RCBTB1: variants seen among roughly 807,000 people sequenced by gnomAD.
RCBTB1 encodes the protein RCC1 and BTB domain-containing protein 1.
A neutral mutation model predicts 62.4 loss-of-function variants in RCBTB1; 46 were observed. The observed-to-expected ratio is 0.74, with a 90% CI of 0.58 to 0.94. RCBTB1 has a LOEUF of 0.94. Among genes scored for constraint, RCBTB1 ranks in the 40% least tolerant of loss-of-function variants. The pLI, the probability that RCBTB1 is intolerant of heterozygous loss-of-function variation, is 0.00. For synonymous variants in RCBTB1, 222 were observed against 245.8 expected, an observed-to-expected ratio of 0.90 and a Z score of 0.91; for missense variants, 565 against 654.9, an observed-to-expected ratio of 0.86 and a Z score of 1.50.
chr13:49,567,715 G>T (rs1963120796), intron 2 of RCBTB1, among the ~76,000 whole-genome samples: 1 of 152,128 alleles, frequency 6.6e-6, no homozygotes, highest in Non-Finnish European at 1.5e-5. Context: ...CTTAGCCAAA[G>T]CCTTGTCCCC....
intron 9 of RCBTB1, chr13:49,546,466 G>A (rs1267742733): frequency 5.9e-6 from 2 of 340,118 alleles, no homozygotes; most frequent in African/African-American, 4.4e-5. Context: ...GGAGGAGGAT[G>A]GTTTGGGGAT....
chr13:49,563,130 T>A (rs1397589819), intron 4 of RCBTB1, among the ~76,000 whole-genome samples: 1 of 151,772 alleles, frequency 6.6e-6, no homozygotes, highest in South Asian at 2.1e-4. Flanking sequence ...CCAGGCATAG[T>A]GGCTCACACC....
Position 49,540,892 on chromosome 13 carries a change from A to C in RCBTB1, c.1439T>G (p.Val480Gly). The C allele has an allele frequency of 6.2e-7, 1 of 1,613,836 alleles. No individual in the cohort carries two copies. Among genetic ancestry groups the C allele is most frequent in the Non-Finnish European group, 8.5e-7 (1 of 1,179,948 alleles). Residue 480 changes from valine to glycine, a missense_variant, in exon 12 of 13, where the codon GTC (valine) becomes GGC (glycine). By Grantham distance (109) the Val-to-Gly change is moderately radical. Transcript: ENST00000378302. ...ENAFSLFSAAVRYDAEDLEEF... is the reference protein window; with the variant it reads ...ENAFSLFSAAGRYDAEDLEEF... ...TTAAGTTACCTCTGCATCATATCTG[A>C]CTGCAGCAGAGAATAGCGAAAAGGC...
Position 49,555,554 on chromosome 13 carries a change from A to C in RCBTB1, c.564T>G (p.Cys188Trp). ...LHIKRVVGIA[C>W]GQTSSMAVLD... ...GAACAGCCATGGATGAAGTCTGACC[A>C]CAGGCAATGCCAACTACCCTCTTAA... Residue 188 changes from cysteine (C) to tryptophan (W), a missense_variant, in exon 6 of 13, where the codon TGT becomes TGG. Cys to Trp is a radical substitution (Grantham distance 215). Coordinates refer to ENST00000378302, the MANE Select transcript of RCBTB1 (RefSeq NM_018191.4). 2 of 1,614,080 alleles carry C rather than the reference A, an allele frequency of 1.2e-6. No individual in the cohort carries two copies.
intron 12 of RCBTB1, among the ~76,000 whole-genome samples, chr13:49,537,489 C>G (rs1245247479): frequency 6.6e-6 from 1 of 152,192 alleles, no homozygotes; most frequent in South Asian, 2.1e-4. Context: ...ACTCATACCC[C>G]AGACCAACTT....
intron 2 of RCBTB1, among the ~76,000 whole-genome samples, chr13:49,576,749 GT>G (rs1391506443): frequency 6.6e-6 from 1 of 151,810 alleles, no homozygotes; most frequent in Non-Finnish European, 1.5e-5. Context: ...AGCCTTCCAT[GT>G]TTTATTTAGG....
At chr13:49,559,655 C>CAAAAAA (rs11458278) in intron 5 of RCBTB1, among the ~76,000 whole-genome samples, 21 of 103,884 alleles carry the variant, frequency 2.0e-4, no homozygotes, top group Admixed American at 7.6e-4. Flanking sequence ...GACTCCATCT[C>CAAAAAA]AAAAAAAAAA....
chr13:49,542,759 A>G lies in RCBTB1; in HGVS notation c.1173-932T>C, dbSNP rs1439669281. Among the ~76,000 whole-genome samples, 2 of 151,298 alleles carry G rather than the reference A, an allele frequency of 1.3e-5. 1 individual carries two copies. The highest frequency in any genetic ancestry group is 2.9e-5 in the Non-Finnish European group (2 of 67,922). On this transcript the variant is annotated intron_variant, in intron 10 of 12. Transcript: ENST00000378302. ...CTTCCTCTCTTCCCAGGCCTGCTAC[A>G]AGCTTATTTATAAAACACTCACATC...
At chr13:49,558,689 T>C (rs59416746) in intron 5 of RCBTB1, among the ~76,000 whole-genome samples, 29,801 of 134,086 alleles carry the variant, frequency 0.22, 4,355 homozygotes, top group African/African-American at 0.42. Context: ...GGTGAAACTC[T>C]GTCTCCAAAA....
At chr13:49,569,182 A>C (rs1399057567) in intron 2 of RCBTB1, among the ~76,000 whole-genome samples, 1 of 152,160 alleles carries the variant, frequency 6.6e-6, no homozygotes, top group Non-Finnish European at 1.5e-5. Context: ...CTTTTGTGCA[A>C]AGTGCCTATC....
intron 2 of RCBTB1, among the ~76,000 whole-genome samples, chr13:49,570,462 C>T (rs1963321007): frequency 6.6e-6 from 1 of 152,192 alleles, no homozygotes; most frequent in Admixed American, 6.5e-5. Flanking sequence ...AAGGCATCCC[C>T]AACAGGCTTG....
intron 7 of RCBTB1, 104 bp from the exon 8 acceptor site, chr13:49,551,572 A>C: frequency 7.8e-7 from 1 of 1,278,076 alleles, no homozygotes; most frequent in Non-Finnish European, 1.1e-6. Flanking sequence ...CCAAATCATC[A>C]TCAGGGGTGG....
At chr13:49,568,161 G>T (rs1963152822) in intron 2 of RCBTB1, among the ~76,000 whole-genome samples, 1 of 152,108 alleles carries the variant, frequency 6.6e-6, no homozygotes, top group Non-Finnish European at 1.5e-5. Context: ...AGCACAAATG[G>T]AAGTTTTTTT....
chr13:49,562,605 ATTT>A (rs1401668318), intron 4 of RCBTB1, among the ~76,000 whole-genome samples: 1 of 151,044 alleles, frequency 6.6e-6, no homozygotes, highest in Non-Finnish European at 1.5e-5. Context: ...AAAGAAGAAA[ATTT>A]TTCTTTTTTT....
At chr13:49,543,682 A>G (rs1310142255) in intron 10 of RCBTB1, among the ~76,000 whole-genome samples, 5 of 152,190 alleles carry the variant, frequency 3.3e-5, no homozygotes, top group Admixed American at 6.5e-5. Context: ...ACATTTATAC[A>G]AGGAACTATA....
chr13:49,548,701 G>A (rs1961039646), intron 9 of RCBTB1, among the ~76,000 whole-genome samples: 1 of 151,708 alleles, frequency 6.6e-6, no homozygotes, highest in Non-Finnish European at 1.5e-5. Context: ...CAGACACATG[G>A]GTCACATATT....
intron 12 of RCBTB1, among the ~76,000 whole-genome samples, chr13:49,536,342 CAG>C (rs1224123530): frequency 6.6e-6 from 1 of 152,148 alleles, no homozygotes; most frequent in Non-Finnish European, 1.5e-5. Flanking sequence ...GCAAGTTCAC[CAG>C]AGAGTCGCAC....
At chr13:49,557,832 T>C (rs1962066979) in intron 5 of RCBTB1, among the ~76,000 whole-genome samples, 1 of 152,152 alleles carries the variant, frequency 6.6e-6, no homozygotes, top group Non-Finnish European at 1.5e-5. Flanking sequence ...CAATACACGT[T>C]ATGCTAGAGA....
At chr13:49,548,111 A>T (rs1348756460) in intron 9 of RCBTB1, among the ~76,000 whole-genome samples, 1 of 151,416 alleles carries the variant, frequency 6.6e-6, no homozygotes, top group East Asian at 2.0e-4. Context: ...TCATTTTTGG[A>T]CCAGGCGCAG....
Sources: gnomAD v4.1 joint callset for allele counts (sites outside exome capture counted in the v4.1 genomes callset) on GRCh38, gnomAD v4.1.1 for gene constraint, MANE v1.5 for transcripts, NCBI Gene and HGNC (gene_info 2026-07-23, HGNC 2026-07-21) for gene names.